PEAK1: variants seen among roughly 807,000 people sequenced by gnomAD.
PEAK1 encodes the protein pseudopodium enriched atypical kinase 1, also known as inactive tyrosine-protein kinase PEAK1.
Under a neutral mutation model 124.7 loss-of-function variants are expected in PEAK1, and 54 were observed. That is an observed-to-expected ratio of 0.43 (90% CI 0.35 to 0.54). PEAK1 has a LOEUF of 0.54. Among genes scored for constraint, PEAK1 ranks in the 20% least tolerant of loss-of-function variants. The probability of loss-of-function intolerance (pLI) is 0.01; values close to 1 mark genes in which losing one functional copy is unlikely to be tolerated. For synonymous variants in PEAK1, 719 were observed against 760.0 expected (o/e 0.95, Z 0.89); for missense variants, 2,046 against 2,134.5 (o/e 0.96, Z 0.82).
intron 2 of PEAK1, among the ~76,000 whole-genome samples, chr15:77,313,726 G>GTGTGTGTGTGTA (rs1462211130): frequency 9.2e-6 from 1 of 108,568 alleles, no homozygotes; most frequent in African/African-American, 3.4e-5. Flanking sequence ...GTGTGTGTGT[G>GTGTGTGTGTGTA]TATATATATA....
intron 6 of PEAK1, among the ~76,000 whole-genome samples, chr15:77,207,898 A>C (rs1043008451): frequency 3.3e-5 from 5 of 152,180 alleles, no homozygotes; most frequent in Non-Finnish European, 5.9e-5. Context: ...TTAGGCTTCC[A>C]ATTTTTCTTT....
intron 1 of PEAK1, among the ~76,000 whole-genome samples, chr15:77,378,124 CCTGA>C (rs1023322780): frequency 2.8e-4 from 43 of 151,252 alleles, no homozygotes; most frequent in South Asian, 2.3e-3. Context: ...GAAAACTATG[CCTGA>C]CTATCACATT....
Position 77,178,787 on chromosome 15 carries a change from T to A in PEAK1, c.3137+3A>T, listed in dbSNP as rs1205812603. On this transcript the variant is annotated splice_donor_region_variant and intron_variant, in intron 7 of 9. Transcript: ENST00000682557. The stretch of plus-strand genomic sequence containing the variant: ...CCATATTCTTCCAGTCTATTTTACA[T>A]ACCTGAGAATCTTTTTAGGAATCTG... 1.2e-6 allele frequency: 2 copies of A among 1,610,420 alleles called. No individual in the cohort carries two copies. The highest frequency in any genetic ancestry group is 2.2e-5 in the East Asian group (1 of 44,830).
chr15:77,331,316 C>G (rs8029163), intron 2 of PEAK1, among the ~76,000 whole-genome samples: 54,846 of 151,466 alleles, frequency 0.36, 10,049 homozygotes, highest in Non-Finnish European at 0.39. Context: ...TTTTAGTACA[C>G]ACAGGGTTTT....
chr15:77,193,885 T>C (rs1357032300), intron 6 of PEAK1, among the ~76,000 whole-genome samples: 2 of 152,214 alleles, frequency 1.3e-5, no homozygotes, highest in Non-Finnish European at 2.9e-5. Flanking sequence ...ATCTCTTCTG[T>C]GATCTTGTCT....
chr15:77,404,707 T>C (rs1033523096), intron 1 of PEAK1: 1 of 941,142 alleles, frequency 1.1e-6, no homozygotes, highest in Non-Finnish European at 1.3e-6. Flanking sequence ...AGAATGATCA[T>C]AGGAGAAGTA....
intron 5 of PEAK1, among the ~76,000 whole-genome samples, chr15:77,266,989 G>T (rs2061771008): frequency 6.6e-6 from 1 of 151,798 alleles, no homozygotes; most frequent in Admixed American, 6.6e-5. Context: ...GTTGGTGGGG[G>T]TGGGGGCAGG....
At chr15:77,235,983 A>G (rs1296052134) in intron 6 of PEAK1, among the ~76,000 whole-genome samples, 2 of 152,218 alleles carry the variant, frequency 1.3e-5, no homozygotes, top group African/African-American at 2.4e-5. Context: ...GAGGTTTGGG[A>G]ACCTCTGCCT....
At chr15:77,261,712 C>CA (rs750785593) in intron 5 of PEAK1, among the ~76,000 whole-genome samples, 9 of 152,102 alleles carry the variant, frequency 5.9e-5, no homozygotes, top group Non-Finnish European at 1.2e-4. Context: ...AGAACTTCCC[C>CA]AATCTAGCAA....
chr15:77,223,645 C>A (rs909880308), intron 6 of PEAK1, among the ~76,000 whole-genome samples: 1 of 151,958 alleles, frequency 6.6e-6, no homozygotes, highest in Admixed American at 6.6e-5. Flanking sequence ...AATACTCAAA[C>A]TATTAGACTA....
At chr15:77,132,946 C>A in intron 9 of PEAK1, 59 bp downstream of exon 9, 1 of 1,485,686 alleles carries the variant, frequency 6.7e-7, no homozygotes, top group South Asian at 1.3e-5. Context: ...CAGAATGAAT[C>A]CATCCCAGTA....
chr15:77,390,925 T>C (rs528768923), intron 1 of PEAK1, among the ~76,000 whole-genome samples: 2 of 152,186 alleles, frequency 1.3e-5, no homozygotes, highest in Non-Finnish European at 2.9e-5. Context: ...AGGAACTCCT[T>C]GCAAGATGAC....
intron 1 of PEAK1, among the ~76,000 whole-genome samples, chr15:77,387,675 TAA>T (rs2070067590): frequency 6.6e-6 from 1 of 152,174 alleles, no homozygotes; most frequent in African/African-American, 2.4e-5. Flanking sequence ...AAATGTGTTA[TAA>T]AGTTACTTGA....
At chr15:77,315,646 AAAAT>A (rs1298563717) in intron 2 of PEAK1, among the ~76,000 whole-genome samples, 1 of 151,822 alleles carries the variant, frequency 6.6e-6, no homozygotes, top group Non-Finnish European at 1.5e-5. Context: ...AAAAAATAAA[AAAAT>A]AAAAATCAAC....
chr15:77,293,130 A>G (rs1035899552), intron 2 of PEAK1, among the ~76,000 whole-genome samples: 7 of 152,124 alleles, frequency 4.6e-5, no homozygotes, highest in Admixed American at 1.3e-4. Flanking sequence ...CTTCCCCTGA[A>G]TTATCTCTTA....
intron 2 of PEAK1, among the ~76,000 whole-genome samples, chr15:77,313,115 A>C (rs2064582121): frequency 6.6e-6 from 1 of 152,202 alleles, no homozygotes; most frequent in Non-Finnish European, 1.5e-5. Flanking sequence ...CTATCGCAGG[A>C]AATACACAAG....
rs1388279425 is a variant in PEAK1 at position 77,263,432 on chromosome 15, G to A, written c.-274-10906C>T. 8.5e-5 allele frequency among the ~76,000 whole-genome samples: 13 copies of A among 152,174 alleles called. 1 individual carries two copies. The highest frequency in any genetic ancestry group is 3.9e-4 in the East Asian group (2 of 5,184). On this transcript the variant is annotated intron_variant, in intron 5 of 9. Transcript: ENST00000682557. ...AAATGATAAACGGGATATCACCACCGATCCCACAGAAATACAAACTACCAT... is the reference window on the plus strand; with the variant it reads ...AAATGATAAACGGGATATCACCACCAATCCCACAGAAATACAAACTACCAT...
intron 5 of PEAK1, among the ~76,000 whole-genome samples, chr15:77,256,191 G>A (rs1195930531): frequency 6.6e-6 from 1 of 152,070 alleles, no homozygotes; most frequent in Non-Finnish European, 1.5e-5. Flanking sequence ...AGGGAGGAAG[G>A]AATTAGCCTT....
intron 1 of PEAK1, among the ~76,000 whole-genome samples, chr15:77,401,146 C>A (rs980825846): frequency 1.3e-5 from 2 of 152,130 alleles, no homozygotes; most frequent in African/African-American, 4.8e-5. Context: ...TCACATTCTA[C>A]CCACTAGAAG....
Sources: gnomAD v4.1 joint callset for allele counts (sites outside exome capture counted in the v4.1 genomes callset) on GRCh38, gnomAD v4.1.1 for gene constraint, MANE v1.5 for transcripts, NCBI Gene and HGNC (gene_info 2026-07-23, HGNC 2026-07-21) for gene names.